Variants in ZNF841 observed in about 807,000 individuals in gnomAD.
ZNF841 encodes zinc finger protein 841, also known as TCONS_00006091.
A neutral mutation model predicts 13.0 loss-of-function variants in ZNF841; 11 were observed. That is an observed-to-expected ratio of 0.85 (90% CI 0.53 to 1.40). ZNF841 has a LOEUF of 1.40. ZNF841 is among the 40% of genes most tolerant of loss of function. The pLI is 0.00. For synonymous variants in ZNF841, 369 were observed against 381.6 expected, an observed-to-expected ratio of 0.97 and a Z score of 0.38; for missense variants, 1,068 against 1,139.5, an observed-to-expected ratio of 0.94 and a Z score of 0.90.
rs575377942 is a variant in ZNF841 at position 52,073,657 on chromosome 19, G to A, written c.271+2387C>T. Among the ~76,000 whole-genome samples the A allele has an allele frequency of 1.6e-4, 24 of 151,650 alleles. No homozygotes were observed. The East Asian group carries it at 3.7e-3, about 23-fold the overall frequency. On this transcript the variant is annotated intron_variant, in intron 6 of 6. Transcript: ENST00000594440. ...TTATTCTTCATTGCTTGAGCATCAC[G>A]AAAAAAATATATAGGTTTTATAAAT... is the stretch of plus-strand genomic sequence containing the variant.
chr19:52,070,821 A>AC, intron 6 of ZNF841, among the ~76,000 whole-genome samples: 1 of 152,284 alleles, frequency 6.6e-6, no homozygotes, highest in African/African-American at 2.4e-5. Context: ...AGTAGGGGTC[A>AC]CCCCTTACAG....
the ZNF841 span, among the ~76,000 whole-genome samples, chr19:52,059,390 T>TATATATATATATATATAC: frequency 1.2e-3 from 115 of 96,278 alleles, no homozygotes; most frequent in East Asian, 9.7e-3. Flanking sequence ...TATATATATA[T>TATATATATATATATATAC]ACACACACAC....
In ZNF841 at chr19:52,065,331, A is replaced by G; in HGVS notation, c.2551T>C (p.Cys851Arg). ...CCAAACGCCTTGCCACATTCCATACATTTGTATGGCTTCTCTCCAGTATGG... is the reference window on the plus strand; with the variant it reads ...CCAAACGCCTTGCCACATTCCATACGTTTGTATGGCTTCTCTCCAGTATGG... The part of the protein sequence containing the change: ...RNHTGEKPYK[C>R]MECGKAFGRR... The change falls in exon 7 of 7, where the codon TGT becomes CGT. Residue 851 changes from cysteine (C) to arginine (R), a missense_variant. By Grantham distance (180) the Cys-to-Arg change is radical. Transcript: ENST00000594440. The G allele has an allele frequency of 6.2e-7, 1 of 1,610,272 alleles. No homozygotes were observed. The highest frequency in any genetic ancestry group is 1.7e-5 in the Admixed American group (1 of 58,926).
At chr19:52,059,168 G>A in the ZNF841 span, 1 of 151,750 alleles carries the variant, frequency 6.6e-6, no homozygotes, top group African/African-American at 2.4e-5. Context: ...CTAACATGGT[G>A]AAACCCTGTC....
chr19:52,091,522 C>G (rs1314725365), intron 2 of ZNF841, among the ~76,000 whole-genome samples: 1 of 151,942 alleles, frequency 6.6e-6, no homozygotes, highest in Non-Finnish European at 1.5e-5. Flanking sequence ...CAAGAGAGCC[C>G]AGAAATAAAC....
chr19:52,086,031 G>A (rs549941735), intron 3 of ZNF841, among the ~76,000 whole-genome samples: 1 of 152,356 alleles, frequency 6.6e-6, no homozygotes, highest in East Asian at 1.9e-4. Context: ...GCAGGGGAAT[G>A]TACTTGGTGA....
At chr19:52,073,537 A>C (rs1418925087) in intron 6 of ZNF841, among the ~76,000 whole-genome samples, 1 of 152,032 alleles carries the variant, frequency 6.6e-6, no homozygotes, top group Non-Finnish European at 1.5e-5. Flanking sequence ...CTGACCTCAG[A>C]CCTCAAAATG....
intron 6 of ZNF841, among the ~76,000 whole-genome samples, chr19:52,075,775 A>G (rs2087879584): frequency 6.6e-6 from 1 of 152,192 alleles, no homozygotes; most frequent in Non-Finnish European, 1.5e-5. Context: ...CATGCCACAG[A>G]GTCAAAGCAT....
At chr19:52,090,630 A>AGAAGGAAGGAAGGAAGGAAGGAAG (rs781211199) in intron 2 of ZNF841, among the ~76,000 whole-genome samples, 9 of 90,550 alleles carry the variant, frequency 9.9e-5, no homozygotes, top group African/African-American at 4.1e-4. Context: ...AAAGAAAGAA[A>AGAAGGAAGGAAGGAAGGAAGGAAG]GAAGGAAGGA....
downstream of ZNF841, among the ~76,000 whole-genome samples, chr19:52,060,357 C>T (rs563374574): frequency 1.1e-3 from 173 of 152,258 alleles, 1 homozygote; most frequent in African/African-American, 3.8e-3. Context: ...AACTGAGGAC[C>T]CTCAGTGGAC....
intron 4 of ZNF841, among the ~76,000 whole-genome samples, chr19:52,078,557 G>A (rs995974599): frequency 2.0e-5 from 3 of 151,938 alleles, no homozygotes; most frequent in African/African-American, 4.8e-5. Context: ...AAATTAGCCG[G>A]GTGTGGTGGC....
At chr19:52,059,348 T>TAAA in the ZNF841 span, among the ~76,000 whole-genome samples, 94 of 45,978 alleles carry the variant, frequency 2.0e-3, 1 homozygote, top group African/African-American at 0.011. Flanking sequence ...AGACTCTGTC[T>TAAA]AAAAAAAAAA....
downstream of ZNF841, among the ~76,000 whole-genome samples, chr19:52,059,839 A>G (rs2087369217): frequency 6.6e-6 from 1 of 152,026 alleles, no homozygotes; most frequent in Non-Finnish European, 1.5e-5. Flanking sequence ...GCAAACCTCT[A>G]CCTTTTCTGC....
At chr19:52,075,597 C>T (rs192873408) in intron 6 of ZNF841, among the ~76,000 whole-genome samples, 1 of 152,182 alleles carries the variant, frequency 6.6e-6, no homozygotes, top group Non-Finnish European at 1.5e-5. Flanking sequence ...ATCTCCTGAC[C>T]AGCACTTTCA....
chr19:52,072,916 GA>G (rs1395954110), intron 6 of ZNF841, among the ~76,000 whole-genome samples: 2 of 152,056 alleles, frequency 1.3e-5, no homozygotes, highest in Non-Finnish European at 2.9e-5. Flanking sequence ...CAAAACAAAG[GA>G]AAATGAAAAT....
At chr19:52,069,476 T>G (rs2123237193) in intron 6 of ZNF841, among the ~76,000 whole-genome samples, 2 of 152,282 alleles carry the variant, frequency 1.3e-5, no homozygotes, top group African/African-American at 4.8e-5. Flanking sequence ...ACAACACCGT[T>G]TGGACCAAAC....
At chr19:52,089,522 T>C (rs1461484680) in intron 2 of ZNF841, among the ~76,000 whole-genome samples, 1 of 151,942 alleles carries the variant, frequency 6.6e-6, no homozygotes, top group African/African-American at 2.4e-5. Context: ...TGACACACGC[T>C]TGTAGTTTCA....
At chr19:52,058,834 ATTAT>A in the ZNF841 span, 109 of 152,216 alleles carry the variant, frequency 7.2e-4, no homozygotes, top group African/African-American at 2.3e-3. Flanking sequence ...CTTCATTTCT[ATTAT>A]TTATTTATTT....
rs371538802 is a variant in ZNF841 at position 52,066,672 on chromosome 19, T to C, written c.1210A>G (p.Asn404Asp). 3.5e-5 allele frequency: 56 copies of C among 1,612,548 alleles called. No homozygotes were observed. The highest frequency in any genetic ancestry group is 2.7e-4 in the African/African-American group (20 of 75,024). ...CGTTTAAAGGTTTTGCCACATTCAT[T>C]ACATTTGTAGGGTTTGTCTCCAGTA... ...VHTGDKPYKC[N>D]ECGKTFKRNS... The change falls in exon 7 of 7, where the codon AAT becomes GAT. Residue 404 changes from asparagine (N) to aspartate (D), a missense_variant. Physicochemically the swap from Asn to Asp is conservative, Grantham distance 23 (BLOSUM62 1). Transcript: ENST00000594440.
Sources: gnomAD v4.1 joint callset for allele counts (sites outside exome capture counted in the v4.1 genomes callset) on GRCh38, gnomAD v4.1.1 for gene constraint, MANE v1.5 for transcripts, NCBI Gene and HGNC (gene_info 2026-07-23, HGNC 2026-07-21) for gene names.